The following ARNT2 variants were observed in gnomAD, a reference collection of about 807,000 sequenced individuals.
ARNT2 encodes the protein aryl hydrocarbon receptor nuclear translocator 2.
ARNT2 carries 36 observed loss-of-function variants against 91.7 expected under a neutral mutation model. The observed-to-expected ratio is 0.39, with a 90% CI of 0.30 to 0.52. The LOEUF is 0.52. Among genes scored for constraint, ARNT2 ranks in the 20% least tolerant of loss-of-function variants. The pLI, the probability that ARNT2 is intolerant of heterozygous loss-of-function variation, is 0.72. For synonymous variants in ARNT2, 365 were observed against 347.1 expected, an observed-to-expected ratio of 1.05 and a Z score of -0.57; for missense variants, 775 against 939.3, an observed-to-expected ratio of 0.83 and a Z score of 2.29.
chr15:80,547,363 G>A (rs142461354), intron 8 of ARNT2, among the ~76,000 whole-genome samples: 7 of 152,218 alleles, frequency 4.6e-5, no homozygotes, highest in East Asian at 1.9e-4. Context: ...TTTAAATGCC[G>A]GCTTCACTTA....
chr15:80,526,823 A>G (rs1304125594), intron 8 of ARNT2, among the ~76,000 whole-genome samples: 1 of 152,178 alleles, frequency 6.6e-6, no homozygotes, highest in Non-Finnish European at 1.5e-5. Context: ...TTTTGCCATG[A>G]GCTCATCTAC....
chr15:80,543,176 C>A (rs1456254846), intron 8 of ARNT2, among the ~76,000 whole-genome samples: 2 of 150,206 alleles, frequency 1.3e-5, no homozygotes, highest in Admixed American at 1.3e-4. Context: ...TGTTTACCAG[C>A]AACTGGGGAA....
At chr15:80,467,837 G>C (rs1292124955) in intron 3 of ARNT2, among the ~76,000 whole-genome samples, 1 of 152,188 alleles carries the variant, frequency 6.6e-6, no homozygotes, top group East Asian at 1.9e-4. Context: ...TCAAATGCAG[G>C]AGACGTTGGT....
intron 8 of ARNT2, among the ~76,000 whole-genome samples, chr15:80,550,246 A>C (rs1898060210): frequency 6.6e-6 from 1 of 152,202 alleles, no homozygotes; most frequent in African/African-American, 2.4e-5. Flanking sequence ...TGGAACAAGG[A>C]TGGAAAGAAG....
intron 5 of ARNT2, among the ~76,000 whole-genome samples, chr15:80,505,934 T>TTTTTTTTG (rs1897268707): frequency 7.7e-6 from 1 of 129,956 alleles, no homozygotes; most frequent in Non-Finnish European, 1.6e-5. Context: ...GTTGTTTTTT[T>TTTTTTTTG]TTTTTTTTTT....
chr15:80,492,029 C>CTTCT (rs971208913), intron 5 of ARNT2, among the ~76,000 whole-genome samples: 12 of 151,602 alleles, frequency 7.9e-5, no homozygotes, highest in South Asian at 4.2e-4. Context: ...GCAGAGTGTC[C>CTTCT]TTCTTTCTTT....
intron 8 of ARNT2, among the ~76,000 whole-genome samples, chr15:80,515,320 A>C (rs557966518): frequency 6.6e-6 from 1 of 152,354 alleles, no homozygotes; most frequent in East Asian, 1.9e-4. Flanking sequence ...TGGCCAAAAA[A>C]TGGAAACAAC....
chr15:80,538,528 A>C (rs1897857609), intron 8 of ARNT2, among the ~76,000 whole-genome samples: 1 of 152,192 alleles, frequency 6.6e-6, no homozygotes, highest in Non-Finnish European at 1.5e-5. Flanking sequence ...AAAACACTAA[A>C]TATGGACTAT....
intron 3 of ARNT2, among the ~76,000 whole-genome samples, chr15:80,464,853 C>A (rs1896628679): frequency 6.6e-6 from 1 of 152,180 alleles, no homozygotes; most frequent in Non-Finnish European, 1.5e-5. Flanking sequence ...TGGGGCAGAG[C>A]CAGTCTGTGC....
intron 17 of ARNT2, among the ~76,000 whole-genome samples, chr15:80,590,411 T>A (rs536877121): frequency 1.3e-5 from 2 of 152,284 alleles, no homozygotes; most frequent in African/African-American, 4.8e-5. Flanking sequence ...ACTTACTGGA[T>A]CCTCTTTGGT....
intron 1 of ARNT2, among the ~76,000 whole-genome samples, chr15:80,442,162 C>A (rs922227644): frequency 6.6e-6 from 1 of 152,214 alleles, no homozygotes; most frequent in Non-Finnish European, 1.5e-5. Flanking sequence ...AACAAGAAAG[C>A]ATACCCCTCA....
intron 16 of ARNT2, 157 bp downstream of exon 16, chr15:80,580,706 T>C: frequency 1.0e-6 from 1 of 972,132 alleles, no homozygotes; most frequent in Non-Finnish European, 1.5e-6. Context: ...CCATCCACCC[T>C]CAGGGCTCTC....
In ARNT2 at chr15:80,579,647, A is replaced by G. The variant is rs145391171; in HGVS notation, c.1614-764A>G. 5.5e-3 allele frequency among the ~76,000 whole-genome samples: 832 copies of G among 152,328 alleles called. 11 individuals carry two copies. The highest frequency in any genetic ancestry group is 0.018 in the African/African-American group (763 of 41,578). On this transcript the variant is annotated intron_variant, in intron 15 of 18. Transcript: ENST00000303329. ...GGAGGCAGGAGGAGGGGCCTGAAAC[A>G]AAGTAAAAGTCTGCCCCCAGCCTTT...
chr15:80,591,426 G>A lies in ARNT2; in HGVS notation c.1919-142G>A, dbSNP rs142411931. 129 of 1,061,224 alleles carry A rather than the reference G, an allele frequency of 1.2e-4. No individual in the cohort carries two copies. The highest frequency in any genetic ancestry group is 3.1e-4 in the Middle Eastern group (1 of 3,218). The allele number at this position is 1,061,224 out of a possible 1,614,324, so 65.7% of individuals were successfully genotyped here. A position where few individuals can be genotyped will look rare whatever the true frequency, so the allele number is the denominator to read the frequency against. On this transcript the variant is annotated intron_variant, in intron 17 of 18. Transcript: ENST00000303329. This position sits in a 1 kb window ranked among gnomAD's most constrained non-coding sequence, Gnocchi z 5.1. ...TGATCTGTCAGCCAGTGAGAAAGAC[G>A]AGGATAGCAAACACATTCCGCCAGC...
intron 1 of ARNT2, among the ~76,000 whole-genome samples, chr15:80,406,640 A>C (rs559351509): frequency 4.2e-4 from 64 of 152,318 alleles, no homozygotes; most frequent in African/African-American, 1.4e-3. Context: ...TGTGAAGCAC[A>C]GGAAAGCCTG....
At chr15:80,421,398 G>GA (rs1555454755) in intron 1 of ARNT2, among the ~76,000 whole-genome samples, 1 of 82,342 alleles carries the variant, frequency 1.2e-5, no homozygotes, top group Admixed American at 1.5e-4. Flanking sequence ...TATTGAAATA[G>GA]AAAGAAAAGA....
intron 8 of ARNT2, among the ~76,000 whole-genome samples, chr15:80,531,980 C>T (rs533810246): frequency 2.6e-5 from 4 of 152,206 alleles, no homozygotes; most frequent in Non-Finnish European, 5.9e-5. Context: ...GCCAGCTCGG[C>T]AGTGGGCGGC....
chr15:80,501,091 T>C (rs1459545158), intron 5 of ARNT2, among the ~76,000 whole-genome samples: 2 of 152,168 alleles, frequency 1.3e-5, no homozygotes, highest in Non-Finnish European at 2.9e-5. Flanking sequence ...GGGTTTGATA[T>C]TAACAGCCTT....
chr15:80,420,303 G>C (rs1895844353), intron 1 of ARNT2, among the ~76,000 whole-genome samples: 1 of 152,070 alleles, frequency 6.6e-6, no homozygotes, highest in Non-Finnish European at 1.5e-5. Flanking sequence ...TCTGAATTTT[G>C]ATCTTTTCCT....
Sources: gnomAD v4.1 joint callset for allele counts (sites outside exome capture counted in the v4.1 genomes callset) on GRCh38, gnomAD v4.1.1 for gene constraint, Gnocchi (gnomAD v3.1) non-coding constraint, MANE v1.5 for transcripts, NCBI Gene and HGNC (gene_info 2026-07-23, HGNC 2026-07-21) for gene names.